The following PRDM5 variants were observed in gnomAD, a reference collection of about 807,000 sequenced individuals.
PRDM5 encodes the protein PR/SET domain 5.
In PRDM5, 56 loss-of-function variants were observed where a neutral mutation model predicts 81.2. That is an observed-to-expected ratio of 0.69 (90% confidence interval 0.56 to 0.86). PRDM5 has a LOEUF of 0.86. PRDM5 is among the 40% of genes least tolerant of loss of function. PRDM5 has a pLI of 0.00. For synonymous variants in PRDM5, 267 were observed against 256.4 expected (o/e 1.04, Z -0.39); for missense variants, 697 against 770.1 (o/e 0.91, Z 1.12).
Position 120,698,713 on chromosome 4 carries a change from C to T in PRDM5, c.1729-3438G>A, listed in dbSNP as rs1734883208. On this transcript the variant is annotated intron_variant, in intron 15 of 15. Coordinates refer to ENST00000264808, the MANE Select transcript of PRDM5 (RefSeq NM_018699.4). ...AAGTCTCAAAAAATGGTCCGACCCTCCACCTGGTTTGACTGTAAATGTGGC... is the reference window on the plus strand; with the variant it reads ...AAGTCTCAAAAAATGGTCCGACCCTTCACCTGGTTTGACTGTAAATGTGGC... Among the ~76,000 whole-genome samples the T allele has an allele frequency of 3.9e-5, 6 of 152,152 alleles. No individual in the cohort carries two copies. The South Asian group carries it at 1.2e-3, about 32-fold the overall frequency.
At chr4:120,830,454 C>T (rs1756575626) in intron 3 of PRDM5, among the ~76,000 whole-genome samples, 1 of 152,130 alleles carries the variant, frequency 6.6e-6, no homozygotes, top group Non-Finnish European at 1.5e-5. Flanking sequence ...GTCATAGCCT[C>T]TGGCAGCCTA....
intron 10 of PRDM5, among the ~76,000 whole-genome samples, chr4:120,794,883 C>T (rs550143388): frequency 5.3e-4 from 81 of 152,308 alleles, no homozygotes; most frequent in African/African-American, 1.9e-3. Context: ...ACCTCATCCT[C>T]CCAAAGTGCT....
At chr4:120,881,436 C>T (rs990464368) in intron 2 of PRDM5, among the ~76,000 whole-genome samples, 6 of 152,172 alleles carry the variant, frequency 3.9e-5, no homozygotes, top group Admixed American at 6.6e-5. Context: ...AAATCCATGA[C>T]ATTTTTCACA....
In PRDM5 at chr4:120,699,495, C is replaced by A. The variant is rs555017690; in HGVS notation, c.1729-4220G>T. ...ATCCTAACAGTGCCCTGAAAGCAAA[C>A]AAGTGCCTTGGGACTGTCAGCCAAC... On this transcript the variant is annotated intron_variant, in intron 15 of 15. Transcript: ENST00000264808. Among the ~76,000 whole-genome samples the A allele has an allele frequency of 4.6e-5, 7 of 152,126 alleles. No individual in the cohort carries two copies. The South Asian group carries it at 1.5e-3, about 32-fold the overall frequency.
chr4:120,802,266 A>G (rs1256298358), intron 8 of PRDM5, among the ~76,000 whole-genome samples: 4 of 152,234 alleles, frequency 2.6e-5, no homozygotes, highest in African/African-American at 9.6e-5. Flanking sequence ...TGCTTAATAA[A>G]GAGGGCAGTT....
chr4:120,729,638 A>C (rs545922457), intron 14 of PRDM5, among the ~76,000 whole-genome samples: 1 of 152,292 alleles, frequency 6.6e-6, no homozygotes, highest in East Asian at 1.9e-4. Context: ...AAAAGAAACT[A>C]CAATACAAGG....
chr4:120,734,609 C>A (rs1387403189), intron 14 of PRDM5, among the ~76,000 whole-genome samples: 1 of 152,122 alleles, frequency 6.6e-6, no homozygotes, highest in South Asian at 2.1e-4. Context: ...AATGCTGAAA[C>A]GCTTCCCTTC....
At chr4:120,825,130 G>A (rs1461003804) in intron 3 of PRDM5, among the ~76,000 whole-genome samples, 3 of 152,048 alleles carry the variant, frequency 2.0e-5, no homozygotes, top group South Asian at 4.1e-4. Context: ...ATGTGACTGA[G>A]CAAACAGCCT....
chr4:120,819,879 TAAAG>T (rs1755032353), intron 4 of PRDM5, among the ~76,000 whole-genome samples: 1 of 152,046 alleles, frequency 6.6e-6, no homozygotes. Flanking sequence ...TCAACTAAAA[TAAAG>T]AAACAGAAGC....
intron 3 of PRDM5, 130 bp downstream of exon 3, chr4:120,853,288 C>T: frequency 7.2e-7 from 1 of 1,388,858 alleles, no homozygotes; most frequent in Non-Finnish European, 1.0e-6. Context: ...GATGAGATTT[C>T]TCTGCTTTTA....
At chr4:120,770,883 C>A (rs1747181565) in intron 13 of PRDM5, among the ~76,000 whole-genome samples, 1 of 151,370 alleles carries the variant, frequency 6.6e-6, no homozygotes, top group Non-Finnish European at 1.5e-5. Flanking sequence ...AACAGAAAAT[C>A]ATAAAGAAAA....
At chr4:120,802,752 G>A (rs1752320862) in intron 8 of PRDM5, among the ~76,000 whole-genome samples, 1 of 152,116 alleles carries the variant, frequency 6.6e-6, no homozygotes, top group South Asian at 2.1e-4. Context: ...TACAAAGATG[G>A]GGAAAAAAGC....
At chr4:120,898,080 C>T (rs139663908) in intron 2 of PRDM5, among the ~76,000 whole-genome samples, 1 of 152,240 alleles carries the variant, frequency 6.6e-6, no homozygotes, top group East Asian at 1.9e-4. Context: ...TAGATTTACC[C>T]TGTTTTCTAT....
chr4:120,695,083 G>A lies in PRDM5; in HGVS notation c.*28C>T. On this transcript the variant is annotated 3_prime_UTR_variant, in exon 16 of 16. Coordinates refer to ENST00000264808, the MANE Select transcript of PRDM5 (RefSeq NM_018699.4). ...TGGGATTCATATTAGGAGCCCTTCT[G>A]AATAGTTTAATTCCTTTACAGCCCC... The A allele has an allele frequency of 6.2e-7, 1 of 1,603,618 alleles. No homozygotes were observed. The highest frequency in any genetic ancestry group is 8.5e-7 in the Non-Finnish European group (1 of 1,170,820).
chr4:120,744,110 C>T (rs577648489), intron 14 of PRDM5, among the ~76,000 whole-genome samples: 178 of 152,228 alleles, frequency 1.2e-3, no homozygotes, highest in African/African-American at 3.6e-3. Context: ...CAAACTAGAA[C>T]GCAGGATTAA....
At chr4:120,718,419 C>G (rs1475414523) in intron 14 of PRDM5, among the ~76,000 whole-genome samples, 2 of 152,130 alleles carry the variant, frequency 1.3e-5, no homozygotes, top group African/African-American at 4.8e-5. Context: ...TTAATGTTTA[C>G]TCTATTAAAA....
At chr4:120,799,846 TA>T (rs1553971384) in intron 8 of PRDM5, 101 bp from the exon 9 acceptor site, 8 of 1,526,116 alleles carry the variant, frequency 5.2e-6, no homozygotes, top group Non-Finnish European at 7.1e-6. Flanking sequence ...GCCACTGCAA[TA>T]CCCAAACTAT....
At chr4:120,862,827 C>T (rs988420906) in intron 2 of PRDM5, among the ~76,000 whole-genome samples, 1 of 151,998 alleles carries the variant, frequency 6.6e-6, no homozygotes, top group African/African-American at 2.4e-5. Flanking sequence ...TGTACAGAAA[C>T]GTCACACATG....
chr4:120,918,635 A>ATT (rs534148936), intron 1 of PRDM5, among the ~76,000 whole-genome samples: 1,405 of 110,694 alleles, frequency 0.013, 44 homozygotes, highest in East Asian at 0.061. Flanking sequence ...TACGTCAGGT[A>ATT]TTTTTTTTTT....
Sources: gnomAD v4.1 joint callset for allele counts (sites outside exome capture counted in the v4.1 genomes callset) on GRCh38, gnomAD v4.1.1 for gene constraint, MANE v1.5 for transcripts, NCBI Gene and HGNC (gene_info 2026-07-23, HGNC 2026-07-21) for gene names.